The following TRPC7 variants were observed in gnomAD, a reference collection of about 807,000 sequenced individuals.
TRPC7 encodes the protein short transient receptor potential channel 7.
Under a neutral mutation model 90.1 loss-of-function variants are expected in TRPC7, and 42 were observed. The ratio of observed to expected loss-of-function variants is 0.47; its 90% CI spans 0.36 to 0.60. TRPC7 has a LOEUF of 0.60. TRPC7 is among the 20% of genes least tolerant of loss of function. TRPC7 has a pLI of 0.00. For missense variants in TRPC7, 955 were observed against 1,112.3 expected, an observed-to-expected ratio of 0.86 and a Z score of 2.01; for synonymous variants, 451 against 436.3, an observed-to-expected ratio of 1.03 and a Z score of -0.42.
intron 10 of TRPC7, among the ~76,000 whole-genome samples, chr5:136,220,855 A>AC (rs1199657098): frequency 1.3e-5 from 2 of 151,880 alleles, no homozygotes; most frequent in African/African-American, 4.8e-5. Context: ...ATATGATGTC[A>AC]CCCCCGGAGG....
chr5:136,345,210 A>T (rs569627884), intron 2 of TRPC7, among the ~76,000 whole-genome samples: 1 of 152,338 alleles, frequency 6.6e-6, no homozygotes, highest in Admixed American at 6.5e-5. Context: ...TATAGTATTA[A>T]TTCAAATTTT....
At position 136,279,935 on chromosome 5, in the gene TRPC7, T is replaced by C. The variant is rs1198883990; in HGVS notation, c.964-5098A>G. Among the ~76,000 whole-genome samples the C allele has an allele frequency of 2.0e-5, 3 of 152,124 alleles. No homozygotes were observed. In the East Asian group the frequency reaches 5.8e-4, roughly 29 times the overall value. The stretch of plus-strand genomic sequence containing the variant: ...TGGGAGGCCAAGGTGGGTGGATCAC[T>C]TGAGGTCAGGAATTCAAGACCAGCC... On this transcript the variant is annotated intron_variant, in intron 3 of 11. Transcript: ENST00000513104.
Position 136,302,413 on chromosome 5 carries a change from C to T in TRPC7, c.963+13184G>A, listed in dbSNP as rs575969163. On this transcript the variant is annotated intron_variant, in intron 3 of 11. Coordinates refer to ENST00000513104, the MANE Select transcript of TRPC7 (RefSeq NM_020389.3). Reference sequence around the variant, plus strand: ...CTTCTTCACCCTTAGCGGCAAGTCCCGCTTTTCTAGGGGACAAGAACCCCC... The same window carrying T: ...CTTCTTCACCCTTAGCGGCAAGTCCTGCTTTTCTAGGGGACAAGAACCCCC... 4.8e-4 allele frequency among the ~76,000 whole-genome samples: 73 copies of T among 152,270 alleles called. 1 individual carries two copies. The highest frequency in any genetic ancestry group is 1.2e-3 in the South Asian group (6 of 4,824).
chr5:136,274,426 T>G (rs1735235084), intron 4 of TRPC7, among the ~76,000 whole-genome samples: 1 of 152,170 alleles, frequency 6.6e-6, no homozygotes, highest in Admixed American at 6.6e-5. Flanking sequence ...ACTGATCTTT[T>G]CAAATTATGC....
chr5:136,236,014 T>A (rs1402726045), intron 7 of TRPC7, among the ~76,000 whole-genome samples: 2 of 152,278 alleles, frequency 1.3e-5, no homozygotes, highest in Admixed American at 1.3e-4. Context: ...GGCATAATGA[T>A]GCTTCTATTG....
At chr5:136,325,068 T>G (rs1282458898) in intron 2 of TRPC7, among the ~76,000 whole-genome samples, 1 of 2,260 alleles carries the variant, frequency 4.4e-4, no homozygotes, top group Non-Finnish European at 9.5e-4. Context: ...TAGGATGAGT[T>G]TTTTTTAAGA....
At position 136,287,687 on chromosome 5, in the gene TRPC7, C is replaced by CAAAAAAAAAAAAAAAAAA. The variant is rs767031610; in HGVS notation, c.964-12868_964-12851dup. Among the ~76,000 whole-genome samples, 21 of 59,516 alleles carry CAAAAAAAAAAAAAAAAAA rather than the reference C, an allele frequency of 3.5e-4. 1 individual carries two copies. Among genetic ancestry groups the CAAAAAAAAAAAAAAAAAA allele is most frequent in the Admixed American group, 6.3e-4 (2 of 3,184 alleles). The allele number at this position is 59,516 out of a possible 152,430, so 39.0% of individuals were successfully genotyped here. The stretch of plus-strand genomic sequence containing the variant: ...TAGTGTCAGGGACAGAGTGGATGCT[C>CAAAAAAAAAAAAAAAAAA]AAAAAAAAAAAAAAAAAAAAAAAAA... On this transcript the variant is annotated intron_variant, in intron 3 of 11. Coordinates refer to ENST00000513104, the MANE Select transcript of TRPC7 (RefSeq NM_020389.3).
chr5:136,215,730 G>T (rs1053574291), intron 11 of TRPC7, among the ~76,000 whole-genome samples: 1 of 151,922 alleles, frequency 6.6e-6, no homozygotes, highest in East Asian at 1.9e-4. Context: ...GGCTGAGGCA[G>T]GAGAATCACT....
At chr5:136,287,882 G>A (rs1045919773) in intron 3 of TRPC7, among the ~76,000 whole-genome samples, 5 of 152,032 alleles carry the variant, frequency 3.3e-5, no homozygotes, top group African/African-American at 1.2e-4. Context: ...AGTCTTCAGG[G>A]CCGTGGTACA....
chr5:136,270,621 G>A (rs150510148), intron 4 of TRPC7, among the ~76,000 whole-genome samples: 48 of 152,316 alleles, frequency 3.2e-4, no homozygotes, highest in African/African-American at 1.1e-3. Flanking sequence ...GATAAAACAA[G>A]CTGTAAGAGT....
intron 3 of TRPC7, among the ~76,000 whole-genome samples, chr5:136,275,650 A>G (rs2149815814): frequency 6.6e-6 from 1 of 151,858 alleles, no homozygotes; most frequent in Non-Finnish European, 1.5e-5. Flanking sequence ...TACAAGACAG[A>G]CCTCTTGTGG....
chr5:136,321,000 T>C (rs1296746454), intron 2 of TRPC7, among the ~76,000 whole-genome samples: 1 of 152,224 alleles, frequency 6.6e-6, no homozygotes, highest in Non-Finnish European at 1.5e-5. Flanking sequence ...CATGGATTTT[T>C]TTCTGTGTCA....
At chr5:136,232,545 G>A (rs1252330530) in intron 7 of TRPC7, among the ~76,000 whole-genome samples, 3 of 152,196 alleles carry the variant, frequency 2.0e-5, no homozygotes, top group Non-Finnish European at 4.4e-5. Context: ...CTCACCCTAC[G>A]GCTCACTTAG....
chr5:136,361,083 C>G (rs746404986), intron 1 of TRPC7, among the ~76,000 whole-genome samples: 2 of 152,166 alleles, frequency 1.3e-5, no homozygotes, highest in Non-Finnish European at 2.9e-5. Context: ...AAAGCTTACA[C>G]TCATGAATCA....
rs1278923977 is a variant in TRPC7, at chr5:136,247,922, ACT to A, written c.1580-189_1580-188del. Among the ~76,000 whole-genome samples the A allele has an allele frequency of 6.6e-6, 1 of 151,956 alleles. No homozygotes were observed. The highest frequency in any genetic ancestry group is 1.5e-5 in the Non-Finnish European group (1 of 67,986). ...ATGTGCTGGACCATCTGCCTGGAACACTCTTCTCTCACTTCGAAGTATGATTC... is the reference window on the plus strand; with the variant it reads ...ATGTGCTGGACCATCTGCCTGGAACACTTCTCTCACTTCGAAGTATGATTC... On this transcript the variant is annotated intron_variant, in intron 6 of 11. Transcript: ENST00000513104. This position sits in a 1 kb window ranked among gnomAD's most constrained non-coding sequence, Gnocchi z 4.2.
intron 2 of TRPC7, among the ~76,000 whole-genome samples, chr5:136,320,643 C>A (rs531705612): frequency 2.0e-5 from 3 of 152,256 alleles, no homozygotes; most frequent in Admixed American, 6.5e-5. Context: ...CCAGCCTCCC[C>A]ATTTTCTCCC....
At chr5:136,245,962 AC>A (rs1428433430) in intron 7 of TRPC7, among the ~76,000 whole-genome samples, 1 of 150,710 alleles carries the variant, frequency 6.6e-6, no homozygotes, top group African/African-American at 2.4e-5. Flanking sequence ...CTTCCACTAG[AC>A]CCTTCTCGGT....
intron 8 of TRPC7, among the ~76,000 whole-genome samples, chr5:136,228,422 A>AT (rs1410233923): frequency 7.4e-6 from 1 of 134,516 alleles, no homozygotes; most frequent in Admixed American, 7.5e-5. Context: ...TAGAGGGAGG[A>AT]TTTTTTATAG....
chr5:136,356,635 T>A lies in TRPC7; in HGVS notation c.753A>T (p.Arg251Ser), dbSNP rs752631527. The change falls in exon 2 of 12, where the codon AGA becomes AGT. Residue 251 changes from arginine to serine, a missense_variant. By Grantham distance (110) the Arg-to-Ser change is moderately radical (BLOSUM62 -1). This residue lies in a region of TRPC7 where 484 missense variants were observed against 509.6 expected (regional missense o/e 0.95). Coordinates refer to ENST00000513104, the MANE Select transcript of TRPC7 (RefSeq NM_020389.3). ...TALELSNELA[R>S]LANIETEFKN... ...TAAATTCAGTCTCAATGTTGGCTAG[T>A]CTGGCTAACTCGTTGCTGAGCTCCA... The A allele has an allele frequency of 6.5e-7, 1 of 1,548,184 alleles. No individual in the cohort carries two copies. The highest frequency in any genetic ancestry group is 8.7e-7 in the Non-Finnish European group (1 of 1,146,682).
Sources: gnomAD v4.1 joint callset for allele counts (sites outside exome capture counted in the v4.1 genomes callset) on GRCh38, gnomAD v4.1.1 for gene constraint, gnomAD v4.1.1 regional missense constraint, Gnocchi (gnomAD v3.1) non-coding constraint, MANE v1.5 for transcripts, NCBI Gene and HGNC (gene_info 2026-07-23, HGNC 2026-07-21) for gene names.